TRDN: variants seen among roughly 807,000 people sequenced by gnomAD.
The protein encoded by TRDN is triadin in skeletal muscle.
A neutral mutation model predicts 149.7 loss-of-function variants in TRDN; 161 were observed. The ratio of observed to expected loss-of-function variants is 1.08; its 90% confidence interval spans 0.95 to 1.23. The LOEUF (loss-of-function observed/expected upper bound fraction) is 1.23. TRDN is among the 50% of genes most tolerant of loss of function. The pLI, the probability that TRDN is intolerant of heterozygous loss-of-function variation, is 0.00. For synonymous variants in TRDN, 294 were observed against 250.5 expected (o/e 1.17, Z -1.64); for missense variants, 896 against 823.5 (o/e 1.09, Z -1.08).
chr6:123,293,050 C>T (rs528413045), intron 24 of TRDN, among the ~76,000 whole-genome samples: 1 of 152,234 alleles, frequency 6.6e-6, no homozygotes, highest in East Asian at 1.9e-4. Flanking sequence ...GGGAACATAA[C>T]TCTATAGTAA....
At chr6:123,564,525 A>G (rs1211948981) in intron 2 of TRDN, among the ~76,000 whole-genome samples, 1 of 152,242 alleles carries the variant, frequency 6.6e-6, no homozygotes, top group African/African-American at 2.4e-5. Context: ...CACCTGCTTA[A>G]CTGGGCTAAG....
At position 123,508,568 on chromosome 6, in the gene TRDN, CATT is replaced by C. The variant is rs1363998146; in HGVS notation, c.610+3732_610+3734del. 2.6e-5 allele frequency among the ~76,000 whole-genome samples: 4 copies of C among 152,164 alleles called. No homozygotes were observed. In the East Asian group the frequency reaches 7.7e-4, roughly 29 times the overall value. On this transcript the variant is annotated intron_variant, in intron 7 of 40. Coordinates refer to ENST00000334268, the MANE Select transcript of TRDN (RefSeq NM_006073.4). Reference sequence around the variant, plus strand: ...CACCTCACTCAACTTCTCTTTTCATCATTGTTTTCTTCTTTTTCTTCTACCTTG... The same window carrying C: ...CACCTCACTCAACTTCTCTTTTCATCGTTTTCTTCTTTTTCTTCTACCTTG...
intron 12 of TRDN, among the ~76,000 whole-genome samples, chr6:123,425,455 G>A (rs1371287382): frequency 1.3e-5 from 2 of 151,890 alleles, no homozygotes; most frequent in South Asian, 4.1e-4. Flanking sequence ...TTATAAGAAT[G>A]GTTTTAAATT....
chr6:123,286,835 GAGCAGCAGC>G (rs139947757), intron 24 of TRDN, among the ~76,000 whole-genome samples: 2 of 151,700 alleles, frequency 1.3e-5, no homozygotes, highest in East Asian at 1.9e-4. Context: ...GTACTTTCCA[GAGCAGCAGC>G]AGCAGCAGCA....
chr6:123,587,650 A>G (rs1331983285), intron 1 of TRDN, among the ~76,000 whole-genome samples: 1 of 152,232 alleles, frequency 6.6e-6, no homozygotes, highest in East Asian at 1.9e-4. Flanking sequence ...GCTTTGTGTG[A>G]GCAATAAAGC....
At chr6:123,520,232 A>G (rs1461993862) in intron 5 of TRDN, among the ~76,000 whole-genome samples, 7 of 152,146 alleles carry the variant, frequency 4.6e-5, no homozygotes, top group African/African-American at 1.7e-4. Flanking sequence ...TAAATATTAT[A>G]TTATCCATTT....
chr6:123,422,483 A>G (rs12206987), intron 12 of TRDN, among the ~76,000 whole-genome samples: 48,236 of 152,022 alleles, frequency 0.32, 7,947 homozygotes, highest in Middle Eastern at 0.39. Flanking sequence ...AGAGATTCAG[A>G]GAGAGAGCCA....
intron 23 of TRDN, among the ~76,000 whole-genome samples, chr6:123,318,835 A>G (rs1221746122): frequency 6.6e-6 from 1 of 152,082 alleles, no homozygotes; most frequent in East Asian, 1.9e-4. Flanking sequence ...ACCAGAACCA[A>G]CTTCGATCTT....
At position 123,316,466 on chromosome 6, in the gene TRDN, A is replaced by T. The variant is rs370559465; in HGVS notation, c.1501T>A (p.Ser501Thr). 1.2e-6 allele frequency: 2 copies of T among 1,610,250 alleles called. No individual in the cohort carries two copies. The highest frequency in any genetic ancestry group is 1.7e-6 in the Non-Finnish European group (2 of 1,177,628). The change falls in exon 24 of 41, where the codon TCC becomes ACC. Residue 501 changes from serine to threonine, a missense_variant. By Grantham distance (58) the Ser-to-Thr change is moderately conservative (BLOSUM62 1). Coordinates refer to ENST00000334268, the MANE Select transcript of TRDN (RefSeq NM_006073.4). ...TACAAAATATCCTTACCTGCTTTGG[A>T]CATCTTTTCATCTTTTTTAGTTTCA... ...EPETKKDEKM[S>T]KAGKEVKPKP...
intron 7 of TRDN, among the ~76,000 whole-genome samples, chr6:123,510,843 C>G (rs1372609584): frequency 6.6e-6 from 1 of 152,026 alleles, no homozygotes; most frequent in Non-Finnish European, 1.5e-5. Flanking sequence ...AGGATTTCAC[C>G]ATGTTGTCCA....
intron 10 of TRDN, among the ~76,000 whole-genome samples, chr6:123,457,932 G>A (rs550761692): frequency 2.0e-5 from 3 of 151,970 alleles, no homozygotes; most frequent in Non-Finnish European, 2.9e-5. Flanking sequence ...TTTTTCTTCC[G>A]AAAGCACTAC....
Position 123,444,746 on chromosome 6 carries a change from T to G in TRDN, c.932-5743A>C, listed in dbSNP as rs139725075. 9.5e-3 allele frequency among the ~76,000 whole-genome samples: 1,440 copies of G among 152,300 alleles called. 21 individuals are homozygous for G. The highest frequency in any genetic ancestry group is 0.033 in the African/African-American group (1,389 of 41,556). On this transcript the variant is annotated intron_variant, in intron 10 of 40. Coordinates refer to ENST00000334268, the MANE Select transcript of TRDN (RefSeq NM_006073.4). ...TTAGCAAGAAGGGTTGTTGAATTTG[T>G]CAAAGGCCTTTTCTGCATCTATTGA...
At position 123,636,916 on chromosome 6, in the gene TRDN, T is replaced by C. The variant is rs1422919827; in HGVS notation, c.-141A>G. 1 of 917,642 alleles carries C rather than the reference T, an allele frequency of 1.1e-6. No individual in the cohort carries two copies. The highest frequency in any genetic ancestry group is 1.7e-6 in the Non-Finnish European group (1 of 582,040). The allele number at this position is 917,642 out of a possible 1,614,324, so 56.8% of individuals were successfully genotyped here. A position where few individuals can be genotyped will look rare whatever the true frequency, so the allele number is the denominator to read the frequency against. ...TCGTTTTCCTGGCTGTTTCTGCTGCTTCTTTGTTGTCCTGTTGAACTTTGC... is the reference window on the plus strand; with the variant it reads ...TCGTTTTCCTGGCTGTTTCTGCTGCCTCTTTGTTGTCCTGTTGAACTTTGC... On this transcript the variant is annotated 5_prime_UTR_variant, in exon 1 of 41. Transcript: ENST00000334268.
At chr6:123,536,575 G>A (rs1780543620) in intron 4 of TRDN, among the ~76,000 whole-genome samples, 1 of 151,810 alleles carries the variant, frequency 6.6e-6, no homozygotes, top group Non-Finnish European at 1.5e-5. Context: ...GATTGGCCAG[G>A]TGCAGTATCT....
chr6:123,224,241 ACT>A (rs905510254), intron 38 of TRDN, 110 bp from the exon 39 acceptor site: 23 of 994,312 alleles, frequency 2.3e-5, no homozygotes, highest in Non-Finnish European at 2.3e-5. Flanking sequence ...GAATCTACAA[ACT>A]CAGCATCTAC....
intron 38 of TRDN, among the ~76,000 whole-genome samples, chr6:123,243,909 C>T (rs1211422544): frequency 1.3e-5 from 2 of 152,124 alleles, no homozygotes; most frequent in African/African-American, 2.4e-5. Context: ...TGGATGAAAA[C>T]ACCTCAAGTC....
At chr6:123,355,449 G>A (rs1456822459) in intron 20 of TRDN, among the ~76,000 whole-genome samples, 7 of 151,582 alleles carry the variant, frequency 4.6e-5, no homozygotes, top group African/African-American at 1.7e-4. Context: ...ATTATTATTT[G>A]TGTAAGGTGT....
chr6:123,273,129 G>A (rs2114616093), intron 28 of TRDN, 118 bp from the exon 29 acceptor site: 1 of 751,396 alleles, frequency 1.3e-6, no homozygotes, highest in South Asian at 2.4e-5. Flanking sequence ...TATCATCCTT[G>A]TTTCTATGTA....
At chr6:123,634,129 T>A (rs1278328146) in intron 1 of TRDN, among the ~76,000 whole-genome samples, 2 of 152,004 alleles carry the variant, frequency 1.3e-5, no homozygotes, top group Admixed American at 1.3e-4. Context: ...TTCAGTAATG[T>A]GTCCAAAAGT....
Sources: allele counts gnomAD v4.1 joint callset (sites outside exome capture counted in the v4.1 genomes callset), GRCh38; gene constraint gnomAD v4.1.1; transcripts MANE v1.5; gene names NCBI Gene and HGNC (gene_info 2026-07-23, HGNC 2026-07-21).